Variants in UGT2A3 observed in about 807,000 individuals in gnomAD.
UGT2A3 encodes the protein UDP-glucuronosyltransferase 2A3.
A neutral mutation model predicts 44.1 loss-of-function variants in UGT2A3; 55 were observed. The observed-to-expected ratio is 1.25, with a 90% CI of 1.00 to 1.56. UGT2A3 has a LOEUF of 1.56. UGT2A3 is among the 40% of genes most tolerant of loss of function. UGT2A3 has a pLI of 0.00. For missense variants in UGT2A3, 733 were observed against 621.6 expected (o/e 1.18, Z -1.91); for synonymous variants, 243 against 215.1 (o/e 1.13, Z -1.13).
chr4:68,938,202 G>A (rs1718029147), intron 2 of UGT2A3, among the ~76,000 whole-genome samples: 1 of 151,916 alleles, frequency 6.6e-6, no homozygotes. Flanking sequence ...CCTAACTCAT[G>A]TTATGAGGCC....
At chr4:68,931,361 T>C in intron 3 of UGT2A3, 119 bp from the exon 4 acceptor site, 1 of 705,104 alleles carries the variant, frequency 1.4e-6, no homozygotes, top group Non-Finnish European at 2.3e-6. Flanking sequence ...GAGACAGGGG[T>C]GTGTAGAGCT....
rs765388619 is a variant in UGT2A3 at position 68,931,240 on chromosome 4, C to T, written c.999G>A (p.Val333=). The stretch of plus-strand genomic sequence containing the variant: ...GTTTTTTTCCTTTGTACCTCCATAA[C>T]ACCTACGGAAGAAACACATGTATTT... ...ASALAQIPQK[V]LWRYKGKKPS... The change falls in exon 4 of 6, where the codon GTG becomes GTA. Residue 333 remains valine, a splice_region_variant and synonymous_variant. Coordinates refer to ENST00000251566, the MANE Select transcript of UGT2A3 (RefSeq NM_024743.4). 5.6e-6 allele frequency: 9 copies of T among 1,611,916 alleles called. No homozygotes were observed. The highest frequency in any genetic ancestry group is 7.6e-6 in the Non-Finnish European group (9 of 1,178,672).
Position 68,936,888 on chromosome 4 carries a change from C to CAAAA in UGT2A3, c.865-4133_865-4130dup, listed in dbSNP as rs56737078. Among the ~76,000 whole-genome samples, 196 of 46,314 alleles carry CAAAA rather than the reference C, an allele frequency of 4.2e-3. 22 individuals are homozygous for CAAAA. The highest frequency in any genetic ancestry group is 9.0e-3 in the African/African-American group (101 of 11,282). The allele number at this position is 46,314 out of a possible 152,430, so 30.4% of individuals were successfully genotyped here. ...GAAGATCTACAAAGTAAATGGAAAG[C>CAAAA]AAAAAAAAAAAAAAAAAAAAAGCAG... On this transcript the variant is annotated intron_variant, in intron 2 of 5. Coordinates refer to ENST00000251566, the MANE Select transcript of UGT2A3 (RefSeq NM_024743.4).
At position 68,951,191 on chromosome 4, in the gene UGT2A3, G is replaced by C. The variant is rs150107106; in HGVS notation, c.570C>G (p.Ser190=). The C allele has an allele frequency of 2.4e-4, 380 of 1,612,078 alleles. 1 individual carries two copies. In the African/African-American group the frequency reaches 4.1e-3, roughly 17 times the overall value. ...RSCGKLPAPL[S]YVPVPMTGLT... is the part of the protein sequence containing the mutation. ...GTCCTGTCATAGGCACAGGTACATA[G>C]GAAAGTGGAGCTGGAAGTTTCCCAC... The change falls in exon 1 of 6, where the codon TCC becomes TCG. Residue 190 remains serine (S), a synonymous_variant. Coordinates refer to ENST00000251566, the MANE Select transcript of UGT2A3 (RefSeq NM_024743.4).
At chr4:68,938,704 G>A (rs1718064456) in intron 2 of UGT2A3, among the ~76,000 whole-genome samples, 1 of 152,050 alleles carries the variant, frequency 6.6e-6, no homozygotes, top group Non-Finnish European at 1.5e-5. Context: ...TCTGGACAGG[G>A]CAATCAGGCA....
At position 68,951,249 on chromosome 4, in the gene UGT2A3, C is replaced by G. The variant is rs1718576708; in HGVS notation, c.512G>C (p.Arg171Thr). 1 of 1,611,626 alleles carries G rather than the reference C, an allele frequency of 6.2e-7. No homozygotes were observed. The highest frequency in any genetic ancestry group is 8.5e-7 in the Non-Finnish European group (1 of 1,178,878). Residue 171 changes from arginine (R) to threonine (T), a missense_variant, in exon 1 of 6, where the codon AGA becomes ACA. By Grantham distance (71) the Arg-to-Thr change is moderately conservative (BLOSUM62 -1). Transcript: ENST00000251566. ...CTCCATATTGCCTCCTACAGAAATTCTAAGTGTGAGCACAAAAGGGACTGC... is the reference window on the plus strand; with the variant it reads ...CTCCATATTGCCTCCTACAGAAATTGTAAGTGTGAGCACAAAAGGGACTGC... The part of the protein sequence containing the change: ...LLAVPFVLTL[R>T]ISVGGNMERS...
rs145035298 is a variant in UGT2A3, at chr4:68,931,732, TTTAA to T, written c.997-494_997-491del. ...CCTTCCTGGCCTCTTTCTTCTTATA[TTTAA>T]TTGTTTTATTGAAGAAGAATGAGCT... On this transcript the variant is annotated intron_variant, in intron 3 of 5. Coordinates refer to ENST00000251566, the MANE Select transcript of UGT2A3 (RefSeq NM_024743.4). Among the ~76,000 whole-genome samples the T allele has an allele frequency of 7.7e-3, 1,164 of 152,116 alleles. 7 individuals carry two copies. Among genetic ancestry groups the T allele is most frequent in the Non-Finnish European group, 0.012 (847 of 67,934 alleles).
At chr4:68,932,297 T>G (rs116067510) in intron 3 of UGT2A3, among the ~76,000 whole-genome samples, 3,331 of 152,026 alleles carry the variant, frequency 0.022, 124 homozygotes, top group East Asian at 0.15. Context: ...TATATCAGTT[T>G]TCCTTTTTCT....
chr4:68,931,911 T>G (rs1717752940), intron 3 of UGT2A3, among the ~76,000 whole-genome samples: 1 of 152,096 alleles, frequency 6.6e-6, no homozygotes, highest in South Asian at 2.1e-4. Context: ...ACTTAACAGA[T>G]AATTTCATAA....
intron 1 of UGT2A3, 98 bp from the exon 2 acceptor site, chr4:68,945,552 A>T: frequency 1.0e-6 from 1 of 985,390 alleles, no homozygotes; most frequent in Non-Finnish European, 1.5e-6. Flanking sequence ...AATAAGTTTA[A>T]GTCCTCTAGA....
At chr4:68,937,721 C>A (rs1418690681) in intron 2 of UGT2A3, among the ~76,000 whole-genome samples, 1 of 152,054 alleles carries the variant, frequency 6.6e-6, no homozygotes, top group Non-Finnish European at 1.5e-5. Context: ...CAGAGCAGAA[C>A]TGAAGGAGAT....
At chr4:68,937,803 A>T (rs2109784445) in intron 2 of UGT2A3, among the ~76,000 whole-genome samples, 1 of 152,282 alleles carries the variant, frequency 6.6e-6, no homozygotes, top group Non-Finnish European at 1.5e-5. Flanking sequence ...AACAAAATAA[A>T]TAGACCACTA....
At position 68,929,280 on chromosome 4, in the gene UGT2A3, T is replaced by C. The variant is rs1717629267; in HGVS notation, c.*533A>G. ...GAAATACAGCAAACTTTTCTAAGCA[T>C]AATGCCATGTCATCATTATTAGCAA... On this transcript the variant is annotated 3_prime_UTR_variant, in exon 6 of 6. Transcript: ENST00000251566. The C allele has an allele frequency of 6.6e-6, 1 of 152,226 alleles. No homozygotes were observed. The highest frequency in any genetic ancestry group is 1.5e-5 in the Non-Finnish European group (1 of 68,072). 9.4% of individuals were successfully genotyped at this position (152,226 alleles called of 1,614,324 possible). A position where few individuals can be genotyped will look rare whatever the true frequency, so the allele number is the denominator to read the frequency against.
chr4:68,949,750 T>C (rs1391274564), intron 1 of UGT2A3, among the ~76,000 whole-genome samples: 1 of 151,914 alleles, frequency 6.6e-6, no homozygotes, highest in Admixed American at 6.6e-5. Context: ...TTGACTGATA[T>C]CCCTTTTCCT....
rs187424886 is a variant in UGT2A3, at chr4:68,950,161, G to A, written c.715+885C>T. Among the ~76,000 whole-genome samples the A allele has an allele frequency of 3.3e-5, 5 of 151,922 alleles. No individual in the cohort carries two copies. The East Asian group carries it at 9.8e-4, about 30-fold the overall frequency. Reference sequence around the variant, plus strand: ...TGTTTACCTAGATCCATAAAGCCTGGTAGGCTATCTGCAGCTAGGCACAGC... The same window carrying A: ...TGTTTACCTAGATCCATAAAGCCTGATAGGCTATCTGCAGCTAGGCACAGC... On this transcript the variant is annotated intron_variant, in intron 1 of 5. Transcript: ENST00000251566.
rs1718347952 is a variant in UGT2A3 at position 68,945,396 on chromosome 4, T to C, written c.774A>G (p.Thr258=). 1.2e-6 allele frequency: 2 copies of C among 1,611,282 alleles called. No individual in the cohort carries two copies. Among genetic ancestry groups the C allele is most frequent in the Admixed American group, 1.7e-5 (1 of 59,692 alleles). The change falls in exon 2 of 6, where the codon ACA becomes ACG. Residue 258 remains threonine (T), a synonymous_variant. Coordinates refer to ENST00000251566, the MANE Select transcript of UGT2A3 (RefSeq NM_024743.4). ...GTTGAGGAAATTCAAAATCCCAATATGTTCGTATTAGCCATATCTCAGCTT... is the reference window on the plus strand; with the variant it reads ...GTTGAGGAAATTCAAAATCCCAATACGTTCGTATTAGCCATATCTCAGCTT... ...VGKAEIWLIR[T]YWDFEFPQPY...
Position 68,929,189 on chromosome 4 carries a change from A to C in UGT2A3, c.*624T>G, listed in dbSNP as rs2109772867. ...AGAAAGGTCTTTTTATCATCAAGAA[A>C]ACAGAAAAAAGTATTGGTTGAGTGA... On this transcript the variant is annotated 3_prime_UTR_variant, in exon 6 of 6. Coordinates refer to ENST00000251566, the MANE Select transcript of UGT2A3 (RefSeq NM_024743.4). 6.6e-6 allele frequency: 1 copy of C among 152,228 alleles called. No individual in the cohort carries two copies. Among genetic ancestry groups the C allele is most frequent in the Non-Finnish European group, 1.5e-5 (1 of 67,976 alleles). 9.4% of individuals were successfully genotyped at this position (152,228 alleles called of 1,614,324 possible). A position where few individuals can be genotyped will look rare whatever the true frequency, so the allele number is the denominator to read the frequency against.
chr4:68,930,553 C>T lies in UGT2A3; in HGVS notation c.1297G>A (p.Asp433Asn), dbSNP rs201475452. ...LLRALRTVIT[D>N]SSYKENAMRL... Reference sequence around the variant, plus strand: ...ACAAGCAGTAGTACTTACGAGGAATCGGTAATGACTGTTCTCAAAGCCCTC... The same window carrying T: ...ACAAGCAGTAGTACTTACGAGGAATTGGTAATGACTGTTCTCAAAGCCCTC... Residue 433 changes from aspartate to asparagine, a missense_variant, in exon 5 of 6, where the codon GAT becomes AAT. Physicochemically the swap from Asp to Asn is conservative, Grantham distance 23. Coordinates refer to ENST00000251566, the MANE Select transcript of UGT2A3 (RefSeq NM_024743.4). The T allele has an allele frequency of 6.8e-6, 11 of 1,606,920 alleles. No individual in the cohort carries two copies. The highest frequency in any genetic ancestry group is 4.4e-5 in the South Asian group (4 of 89,978).
At chr4:68,942,157 A>G (rs1718210763) in intron 2 of UGT2A3, among the ~76,000 whole-genome samples, 1 of 151,698 alleles carries the variant, frequency 6.6e-6, no homozygotes, top group Non-Finnish European at 1.5e-5. Context: ...AAGAAGTCAT[A>G]GAGATATCTG....
Sources: allele counts gnomAD v4.1 joint callset (sites outside exome capture counted in the v4.1 genomes callset), GRCh38; gene constraint gnomAD v4.1.1; transcripts MANE v1.5; gene names NCBI Gene and HGNC (gene_info 2026-07-23, HGNC 2026-07-21).